Variants in MAP4K5 observed in about 807,000 individuals in gnomAD.
MAP4K5 encodes the protein MAPK/ERK kinase kinase kinase 5.
In MAP4K5, 82 loss-of-function variants were observed where a neutral mutation model predicts 135.6. The ratio of observed to expected loss-of-function variants is 0.60; its 90% confidence interval spans 0.51 to 0.73. The LOEUF is 0.73. Ranked by LOEUF, MAP4K5 falls within the 30% of genes least tolerant of loss-of-function variation. The probability of loss-of-function intolerance (pLI) is 0.00; values close to 1 mark genes in which losing one functional copy is unlikely to be tolerated. For synonymous variants in MAP4K5, 347 were observed against 335.0 expected (o/e 1.04, Z -0.39); for missense variants, 907 against 1,010.9 (o/e 0.90, Z 1.39).
Position 50,438,105 on chromosome 14 carries a change from A to G in MAP4K5, c.1706-11T>C. ...AAACGTAATTACCTTCTAAAACGAG[A>G]GTCCAGTAATGTTCAAAAAGCCAAG... On this transcript the variant is annotated splice_polypyrimidine_tract_variant and intron_variant, in intron 23 of 32. Coordinates refer to ENST00000682126, the MANE Select transcript of MAP4K5 (RefSeq NM_006575.6). 2.5e-6 allele frequency: 2 copies of G among 791,436 alleles called. No homozygotes were observed. The highest frequency in any genetic ancestry group is 4.5e-6 in the Non-Finnish European group (2 of 441,288). 49.0% of individuals were successfully genotyped at this position (791,436 alleles called of 1,614,324 possible). A position where few individuals can be genotyped will look rare whatever the true frequency, so the allele number is the denominator to read the frequency against.
chr14:50,514,320 T>G (rs1181536776), intron 2 of MAP4K5, among the ~76,000 whole-genome samples: 1 of 152,048 alleles, frequency 6.6e-6, no homozygotes, highest in Non-Finnish European at 1.5e-5. Context: ...TTACCTCAAG[T>G]AATCTACCCA....
chr14:50,451,508 C>T (rs2036484449), intron 14 of MAP4K5, among the ~76,000 whole-genome samples: 1 of 152,070 alleles, frequency 6.6e-6, no homozygotes, highest in African/African-American at 2.4e-5. Context: ...AATGCAGACA[C>T]ATCACAAATT....
intron 18 of MAP4K5, 116 bp downstream of exon 18, chr14:50,444,925 A>G (rs1429418747): frequency 1.8e-6 from 2 of 1,135,696 alleles, no homozygotes; most frequent in Non-Finnish European, 2.4e-6. Flanking sequence ...AATAAAAAAG[A>G]TATTTTTTGA....
chr14:50,429,293 CT>C, intron 28 of MAP4K5, 33 bp from the exon 29 acceptor site: 1 of 1,283,648 alleles, frequency 7.8e-7, no homozygotes, highest in Non-Finnish European at 1.1e-6. Flanking sequence ...TACAATTATA[CT>C]TTTAAAACCT....
chr14:50,521,678 T>A (rs2140092935), intron 2 of MAP4K5, among the ~76,000 whole-genome samples: 1 of 152,346 alleles, frequency 6.6e-6, no homozygotes, highest in African/African-American at 2.4e-5. Flanking sequence ...GGGGCCAGTA[T>A]GACTCACTAG....
intron 12 of MAP4K5, among the ~76,000 whole-genome samples, chr14:50,463,073 C>T (rs886702380): frequency 1.3e-5 from 2 of 152,118 alleles, no homozygotes; most frequent in African/African-American, 2.4e-5. Context: ...ATACCAATGA[C>T]ATTCATTACT....
At chr14:50,452,213 C>T (rs1029875830) in intron 14 of MAP4K5, among the ~76,000 whole-genome samples, 1 of 152,020 alleles carries the variant, frequency 6.6e-6, no homozygotes, top group African/African-American at 2.4e-5. Context: ...AGGATGTAAC[C>T]CCATCATAAA....
At chr14:50,542,006 C>CAA (rs59075218) in intron 2 of MAP4K5, among the ~76,000 whole-genome samples, 23 of 62,464 alleles carry the variant, frequency 3.7e-4, no homozygotes, top group South Asian at 1.1e-3. Context: ...GATTCCGTCT[C>CAA]AAAAAAAAAA....
chr14:50,424,072 A>T (rs1172145510), intron 31 of MAP4K5, among the ~76,000 whole-genome samples: 2 of 151,934 alleles, frequency 1.3e-5, no homozygotes, highest in Non-Finnish European at 2.9e-5. Context: ...TGTCTTCTGG[A>T]ATCTATTCCC....
At chr14:50,438,962 T>TAATA (rs1274168094) in intron 23 of MAP4K5, among the ~76,000 whole-genome samples, 1 of 152,126 alleles carries the variant, frequency 6.6e-6, no homozygotes, top group Non-Finnish European at 1.5e-5. Flanking sequence ...GAAAAGTTTA[T>TAATA]ATGATACAAT....
intron 2 of MAP4K5, among the ~76,000 whole-genome samples, chr14:50,513,576 T>A (rs1211180328): frequency 2.0e-5 from 1 of 49,056 alleles, no homozygotes; most frequent in Non-Finnish European, 3.9e-5. Flanking sequence ...TAATTTTTTA[T>A]AAACTGGGGC....
chr14:50,425,758 GA>G (rs1375917766), intron 31 of MAP4K5, 148 bp downstream of exon 31: 16 of 484,798 alleles, frequency 3.3e-5, no homozygotes, highest in Non-Finnish European at 5.8e-5. Context: ...TAGTTGAAGG[GA>G]AAATACTGGC....
At chr14:50,500,462 G>A (rs922638377) in intron 3 of MAP4K5, among the ~76,000 whole-genome samples, 2 of 152,164 alleles carry the variant, frequency 1.3e-5, no homozygotes, top group Non-Finnish European at 2.9e-5. Context: ...AGAAAACAGA[G>A]GCATAGTAGA....
intron 2 of MAP4K5, among the ~76,000 whole-genome samples, chr14:50,508,841 G>A (rs2037868745): frequency 6.6e-6 from 1 of 152,066 alleles, no homozygotes; most frequent in Non-Finnish European, 1.5e-5. Flanking sequence ...CAAGGATCTA[G>A]AACTAGAAAT....
At chr14:50,528,114 T>G (rs2038306898) in intron 2 of MAP4K5, among the ~76,000 whole-genome samples, 1 of 152,148 alleles carries the variant, frequency 6.6e-6, no homozygotes, top group African/African-American at 2.4e-5. Context: ...TAATCCTTCA[T>G]CCACCATCCA....
At chr14:50,444,059 T>C (rs1451542796) in intron 18 of MAP4K5, 23 bp from the exon 19 acceptor site, 9 of 1,493,300 alleles carry the variant, frequency 6.0e-6, no homozygotes, top group East Asian at 2.3e-5. Flanking sequence ...ATGTTAAAAG[T>C]TGAATGACCA....
rs536882941 is a variant in MAP4K5 at position 50,426,696 on chromosome 14, C to T, written c.2327-719G>A. On this transcript the variant is annotated intron_variant, in intron 30 of 32. Transcript: ENST00000682126. The stretch of plus-strand genomic sequence containing the variant: ...CCGAGATCACGTCACTTCACTCCAG[C>T]TTGGGCGACAGAGCGAGACTCCGTC... Among the ~76,000 whole-genome samples the T allele has an allele frequency of 2.0e-5, 3 of 152,328 alleles. No individual in the cohort carries two copies. In the South Asian group the frequency reaches 6.2e-4, roughly 32 times the overall value.
intron 2 of MAP4K5, among the ~76,000 whole-genome samples, chr14:50,507,008 G>A (rs1033930308): frequency 2.6e-5 from 4 of 152,144 alleles, no homozygotes; most frequent in African/African-American, 9.7e-5. Context: ...CAATTCACAT[G>A]CCAGTGAGAC....
intron 2 of MAP4K5, among the ~76,000 whole-genome samples, chr14:50,512,750 T>A (rs910611842): frequency 2.0e-5 from 3 of 152,178 alleles, no homozygotes; most frequent in African/African-American, 7.2e-5. Context: ...TAAAGAGATC[T>A]TTCAGAAATT....
Sources: allele counts gnomAD v4.1 joint callset (sites outside exome capture counted in the v4.1 genomes callset), GRCh38; gene constraint gnomAD v4.1.1; transcripts MANE v1.5; gene names NCBI Gene and HGNC (gene_info 2026-07-23, HGNC 2026-07-21).